The following SLC6A6 variants were observed in gnomAD, a reference collection of about 807,000 sequenced individuals.
The protein encoded by SLC6A6 is sodium- and chloride-dependent taurine transporter.
A neutral mutation model predicts 68.8 loss-of-function variants in SLC6A6; 16 were observed. The ratio of observed to expected loss-of-function variants is 0.23; its 90% CI spans 0.16 to 0.35. The LOEUF is 0.35. Ranked by LOEUF, SLC6A6 falls within the 10% of genes least tolerant of loss-of-function variation. The pLI, the probability that SLC6A6 is intolerant of heterozygous loss-of-function variation, is 1.00. For synonymous variants in SLC6A6, 312 were observed against 315.4 expected (o/e 0.99, Z 0.12); for missense variants, 474 against 802.8 (o/e 0.59, Z 4.95).
At chr3:14,439,687 C>T (rs751201034) in intron 2 of SLC6A6, among the ~76,000 whole-genome samples, 10 of 152,190 alleles carry the variant, frequency 6.6e-5, no homozygotes, top group African/African-American at 9.7e-5. Context: ...CCCTTGTCGG[C>T]GGGTGCAGGG....
At chr3:14,467,762 C>T (rs1465756176) in intron 7 of SLC6A6, 91 bp from the exon 8 acceptor site, 29 of 717,832 alleles carry the variant, frequency 4.0e-5, no homozygotes, top group African/African-American at 8.9e-5. Flanking sequence ...CCCAGGCCAT[C>T]GCCAGGTGGA....
Position 14,481,175 on chromosome 3 carries a change from C to G in SLC6A6, c.1552-496C>G, listed in dbSNP as rs73817907. 8.1e-3 allele frequency among the ~76,000 whole-genome samples: 1,241 copies of G among 152,316 alleles called. 19 individuals are homozygous for G. The highest frequency in any genetic ancestry group is 0.028 in the African/African-American group (1,184 of 41,576). On this transcript the variant is annotated intron_variant, in intron 13 of 14. Coordinates refer to ENST00000622186, the MANE Select transcript of SLC6A6 (RefSeq NM_003043.6). The surrounding 1 kb of genome is among the most constrained non-coding windows in gnomAD (Gnocchi z 4.7). ...TGCCCAAGAGATGGTTACAACCACT[C>G]GCTTTCTGGAAGGAGAGGTATGGGT...
chr3:14,403,677 G>A (rs1260572730), intron 1 of SLC6A6, among the ~76,000 whole-genome samples: 2 of 152,234 alleles, frequency 1.3e-5, no homozygotes, highest in African/African-American at 4.8e-5. Context: ...AGGGGTAGTG[G>A]ACAGCCGGCA....
chr3:14,485,169 TGTGTGTGTATC>T lies in SLC6A6; in HGVS notation c.*171_*181del, dbSNP rs1701122634. On this transcript the variant is annotated 3_prime_UTR_variant, in exon 15 of 15. Transcript: ENST00000622186. ...GGGTATGTGTGCGTGCGTGTGTGTGTGTGTGTGTATCGTGTGTGTGTGTTTTGTTTTGATTT... is the reference window on the plus strand; with the variant it reads ...GGGTATGTGTGCGTGCGTGTGTGTGTGTGTGTGTGTGTTTTGTTTTGATTT... 5 of 538,006 alleles carry T rather than the reference TGTGTGTGTATC, an allele frequency of 9.3e-6. No individual in the cohort carries two copies. Among genetic ancestry groups the T allele is most frequent in the South Asian group, 6.2e-5 (2 of 32,396 alleles). 33.3% of individuals were successfully genotyped at this position (538,006 alleles called of 1,614,324 possible).
chr3:14,476,910 C>G (rs1256469435), intron 10 of SLC6A6, among the ~76,000 whole-genome samples: 2 of 152,226 alleles, frequency 1.3e-5, no homozygotes, highest in Non-Finnish European at 2.9e-5. Context: ...GAAAGGCATT[C>G]TGGTGGCAGG....
At chr3:14,419,152 A>C (rs1387157501) in intron 2 of SLC6A6, among the ~76,000 whole-genome samples, 1 of 152,206 alleles carries the variant, frequency 6.6e-6, no homozygotes. Flanking sequence ...TTGGGAGCCC[A>C]TTTTATAGAA....
chr3:14,479,029 AG>A (rs1700947282), intron 12 of SLC6A6, 55 bp from the exon 13 acceptor site: 1 of 1,119,072 alleles, frequency 8.9e-7, no homozygotes, highest in Non-Finnish European at 1.4e-6. Context: ...ATGGCCCCTG[AG>A]CTGCTGCTGG....
At chr3:14,426,982 C>A (rs767824672) in intron 2 of SLC6A6, among the ~76,000 whole-genome samples, 1 of 152,104 alleles carries the variant, frequency 6.6e-6, no homozygotes, top group Non-Finnish European at 1.5e-5. Context: ...TGCTGCAGAG[C>A]GTTCTTATGT....
In SLC6A6 at chr3:14,488,446, C is replaced by T. The variant is rs1219861670; in HGVS notation, c.*3439C>T. The stretch of plus-strand genomic sequence containing the variant: ...CCAGCCAGCATCTCCCAGCACAGCC[C>T]CTCTCCCTGGGGAAATGCTCTGGGT... On this transcript the variant is annotated 3_prime_UTR_variant, in exon 15 of 15. Transcript: ENST00000622186. The T allele has an allele frequency of 6.6e-6, 1 of 152,340 alleles. No homozygotes were observed. The highest frequency in any genetic ancestry group is 2.4e-5 in the African/African-American group (1 of 41,450). The allele number at this position is 152,340 out of a possible 1,614,324, so 9.4% of individuals were successfully genotyped here. A position where few individuals can be genotyped will look rare whatever the true frequency, so the allele number is the denominator to read the frequency against.
chr3:14,438,625 C>T (rs1415946853), intron 2 of SLC6A6, among the ~76,000 whole-genome samples: 4 of 152,166 alleles, frequency 2.6e-5, no homozygotes, highest in African/African-American at 9.7e-5. Flanking sequence ...TTGCCCAACC[C>T]GCTGATCAGT....
At position 14,468,409 on chromosome 3, in the gene SLC6A6, A is replaced by G. The variant is rs1354989417; in HGVS notation, c.1096+197A>G. 0.019 allele frequency among the ~76,000 whole-genome samples: 6 copies of G among 324 alleles called. No homozygotes were observed. The highest frequency in any genetic ancestry group is 0.1 in the South Asian group (1 of 10). The allele number at this position is 324 out of a possible 152,430, so 0.2% of individuals were successfully genotyped here. A position where few individuals can be genotyped will look rare whatever the true frequency, so the allele number is the denominator to read the frequency against. On this transcript the variant is annotated intron_variant, in intron 9 of 14. Transcript: ENST00000622186. This position sits in a 1 kb window ranked among gnomAD's most constrained non-coding sequence, Gnocchi z 4.5. ...CCAAATTTTAAACATTTGTATTGCA[A>G]TTTGGCCCTGATGGGTGGCAAAAGC...
intron 1 of SLC6A6, among the ~76,000 whole-genome samples, chr3:14,414,129 C>T (rs561820419): frequency 3.9e-5 from 6 of 152,206 alleles, no homozygotes; most frequent in Admixed American, 6.5e-5. Flanking sequence ...GTTTCCTTCT[C>T]TCTGTCTCCC....
chr3:14,430,810 C>T (rs1699708020), intron 2 of SLC6A6, among the ~76,000 whole-genome samples: 1 of 152,198 alleles, frequency 6.6e-6, no homozygotes, highest in Non-Finnish European at 1.5e-5. Flanking sequence ...CTCAGTTTCC[C>T]CTCTGTGAAA....
chr3:14,484,592 C>A (rs1390811949), intron 14 of SLC6A6, among the ~76,000 whole-genome samples: 1 of 152,204 alleles, frequency 6.6e-6, no homozygotes, highest in African/African-American at 2.4e-5. Context: ...AAGGTTGAGT[C>A]CCCCATCCCT....
chr3:14,460,586 G>C (rs1055818094), intron 6 of SLC6A6, among the ~76,000 whole-genome samples: 1 of 152,226 alleles, frequency 6.6e-6, no homozygotes, highest in African/African-American at 2.4e-5. Context: ...GCTGATGTCC[G>C]CCAGGGACAG....
At chr3:14,405,111 G>A (rs1213961920) in intron 1 of SLC6A6, among the ~76,000 whole-genome samples, 1 of 152,210 alleles carries the variant, frequency 6.6e-6, no homozygotes, top group South Asian at 2.1e-4. Context: ...TTTGGTCACT[G>A]ATATCCTCGG....
At chr3:14,467,474 C>G (rs1181732879) in intron 7 of SLC6A6, among the ~76,000 whole-genome samples, 1 of 152,208 alleles carries the variant, frequency 6.6e-6, no homozygotes, top group Non-Finnish European at 1.5e-5. Context: ...TGAATCGCCA[C>G]TCTTTGAACC....
At position 14,442,544 on chromosome 3, in the gene SLC6A6, A is replaced by G. The variant is rs535450643; in HGVS notation, c.-11-1080A>G. On this transcript the variant is annotated intron_variant, in intron 2 of 14. Coordinates refer to ENST00000622186, the MANE Select transcript of SLC6A6 (RefSeq NM_003043.6). ...TGGTAACCCTTGTCAGTTCTCAGAG[A>G]GCCAGGGGTATCCACCTTCTGCACA... 5.9e-5 allele frequency among the ~76,000 whole-genome samples: 9 copies of G among 152,272 alleles called. No individual in the cohort carries two copies. The East Asian group carries it at 1.7e-3, about 29-fold the overall frequency.
chr3:14,408,112 A>T (rs1699151346), intron 1 of SLC6A6, among the ~76,000 whole-genome samples: 1 of 152,160 alleles, frequency 6.6e-6, no homozygotes, highest in African/African-American at 2.4e-5. Context: ...TTGTGGACAT[A>T]TATTTTCCTT....
Sources: allele counts gnomAD v4.1 joint callset (sites outside exome capture counted in the v4.1 genomes callset), GRCh38; gene constraint gnomAD v4.1.1; non-coding constraint Gnocchi (gnomAD v3.1); transcripts MANE v1.5; gene names NCBI Gene and HGNC (gene_info 2026-07-23, HGNC 2026-07-21).